The following LARS2 variants were observed in gnomAD, a reference collection of about 807,000 sequenced individuals.
LARS2 encodes leucyl-tRNA synthetase 2, mitochondrial.
In LARS2, 81 loss-of-function variants were observed where a neutral mutation model predicts 116.6. That is an observed-to-expected ratio of 0.69 (90% CI 0.58 to 0.84). The LOEUF is 0.84. Ranked by LOEUF, LARS2 falls within the 40% of genes least tolerant of loss-of-function variation. The pLI, the probability that LARS2 is intolerant of heterozygous loss-of-function variation, is 0.00. For missense variants in LARS2, 968 were observed against 1,114.5 expected (o/e 0.87, Z 1.87); for synonymous variants, 396 against 407.2 (o/e 0.97, Z 0.33).
intron 6 of LARS2, among the ~76,000 whole-genome samples, chr3:45,432,003 G>C (rs1403498923): frequency 6.6e-6 from 1 of 152,156 alleles, no homozygotes; most frequent in Non-Finnish European, 1.5e-5. Context: ...AATGAAAAGA[G>C]AGCAAGGGTG....
chr3:45,439,638 T>TA (rs1553630562), intron 6 of LARS2, among the ~76,000 whole-genome samples: 2 of 150,756 alleles, frequency 1.3e-5, no homozygotes, highest in East Asian at 2.0e-4. Flanking sequence ...TTTTTTTTTT[T>TA]ATGTTTGTTT....
intron 8 of LARS2, among the ~76,000 whole-genome samples, chr3:45,461,307 A>G (rs1559476706): frequency 6.6e-6 from 1 of 152,044 alleles, no homozygotes; most frequent in Admixed American, 6.6e-5. Flanking sequence ...AGTAAGGGTT[A>G]GGTAGACATG....
rs539197734 is a variant in LARS2, at chr3:45,445,927, T to C, written c.517-964T>C. ...AGTACGCTTTCTATCAAAAGTTTAT[T>C]ACAAGGCGTGGTGGCACACACCTGT... On this transcript the variant is annotated intron_variant, in intron 6 of 21. Coordinates refer to ENST00000645846, the MANE Select transcript of LARS2 (RefSeq NM_015340.4). Among the ~76,000 whole-genome samples, 7 of 152,256 alleles carry C rather than the reference T, an allele frequency of 4.6e-5. No individual in the cohort carries two copies. The East Asian group carries it at 1.2e-3, about 25-fold the overall frequency.
At chr3:45,434,219 A>G (rs549535182) in intron 6 of LARS2, among the ~76,000 whole-genome samples, 47 of 152,284 alleles carry the variant, frequency 3.1e-4, no homozygotes, top group African/African-American at 1.1e-3. Context: ...GATGACATGC[A>G]TGTCAGATCT....
intron 4 of LARS2, 39 bp downstream of exon 4, chr3:45,400,412 A>T: frequency 6.4e-7 from 1 of 1,566,872 alleles, no homozygotes; most frequent in South Asian, 1.2e-5. Flanking sequence ...CTTGTCTGCC[A>T]CACGCAGGGT....
intron 2 of LARS2, among the ~76,000 whole-genome samples, 178 bp from the exon 3 acceptor site, chr3:45,394,255 C>G (rs1698006573): frequency 6.6e-6 from 1 of 152,146 alleles, no homozygotes; most frequent in African/African-American, 2.4e-5. Context: ...TTTATATTTT[C>G]TATTAAAAAG....
chr3:45,478,304 A>T (rs1180932810), intron 10 of LARS2, among the ~76,000 whole-genome samples: 1 of 152,226 alleles, frequency 6.6e-6, no homozygotes, highest in East Asian at 1.9e-4. Context: ...TGGTGGCTGA[A>T]TAATATCTAA....
intron 16 of LARS2, among the ~76,000 whole-genome samples, chr3:45,515,626 G>C (rs1700359640): frequency 1.3e-5 from 2 of 152,234 alleles, no homozygotes; most frequent in South Asian, 4.1e-4. Context: ...CATGAGCCCG[G>C]TAAGTGAATT....
chr3:45,547,601 T>C lies in LARS2; in HGVS notation c.*71T>C, dbSNP rs1700894643. 5.1e-6 allele frequency: 7 copies of C among 1,372,624 alleles called. No individual in the cohort carries two copies. The highest frequency in any genetic ancestry group is 7.0e-6 in the Non-Finnish European group (7 of 996,366). 85.0% of individuals were successfully genotyped at this position (1,372,624 alleles called of 1,614,324 possible). A position where few individuals can be genotyped will look rare whatever the true frequency, so the allele number is the denominator to read the frequency against. ...TTCCAGGCCTGGGATGAGGGGGCGA[T>C]GTCTGCTGGCCCAGGGGAAGGGAAA... On this transcript the variant is annotated 3_prime_UTR_variant, in exon 22 of 22. Coordinates refer to ENST00000645846, the MANE Select transcript of LARS2 (RefSeq NM_015340.4).
intron 16 of LARS2, 149 bp from the exon 17 acceptor site, chr3:45,515,944 AG>A: frequency 6.7e-6 from 4 of 598,888 alleles, no homozygotes; most frequent in Non-Finnish European, 1.2e-5. Context: ...AACAATACAG[AG>A]GGAGAGAAAG....
chr3:45,484,630 A>AATATATATATATATATATGTAT (rs1553634444), intron 10 of LARS2, among the ~76,000 whole-genome samples: 6 of 9,746 alleles, frequency 6.2e-4, no homozygotes, highest in Non-Finnish European at 1.9e-3. Flanking sequence ...AAAAAAAAAA[A>AATATATATATATATATATGTAT]ATATATATAT....
chr3:45,439,771 G>A (rs917161067), intron 6 of LARS2, among the ~76,000 whole-genome samples: 8 of 152,144 alleles, frequency 5.3e-5, no homozygotes, highest in Admixed American at 2.0e-4. Context: ...CATAGTGGTC[G>A]GAGTACCCTT....
intron 20 of LARS2, chr3:45,538,222 G>A (rs1378552933): frequency 1.3e-5 from 2 of 152,232 alleles, no homozygotes; most frequent in Non-Finnish European, 2.9e-5. Context: ...AGGGGCCCAG[G>A]CTACTATAAA....
In LARS2 at chr3:45,547,408, G is replaced by A; in HGVS notation, c.2590G>A (p.Asp864Asn). 6.2e-7 allele frequency: 1 copy of A among 1,613,822 alleles called. No individual in the cohort carries two copies. Among genetic ancestry groups the A allele is most frequent in the South Asian group, 1.1e-5 (1 of 91,014 alleles). ...GCCCCAACAAGTTGCCCGGGACCAG[G>A]ACAAAGTCCACGAATTTGTTCTTCA... ...PVPQQVARDQ[D>N]KVHEFVLQSE... is the part of the protein sequence containing the mutation. The change falls in exon 22 of 22, where the codon GAC becomes AAC. Residue 864 changes from aspartate to asparagine, a missense_variant. Asp to Asn is a conservative substitution (Grantham distance 23). Coordinates refer to ENST00000645846, the MANE Select transcript of LARS2 (RefSeq NM_015340.4).
intron 13 of LARS2, among the ~76,000 whole-genome samples, chr3:45,494,554 C>T (rs1255460669): frequency 1.3e-5 from 2 of 152,204 alleles, no homozygotes; most frequent in African/African-American, 4.8e-5. Context: ...CTATGGCTTC[C>T]CACTGCCACA....
intron 3 of LARS2, among the ~76,000 whole-genome samples, chr3:45,394,972 G>A (rs538414382): frequency 5.3e-5 from 8 of 152,196 alleles, no homozygotes; most frequent in South Asian, 2.1e-4. Flanking sequence ...GTAATATTGC[G>A]CACGAGGTGT....
chr3:45,453,279 C>T (rs1699163916), intron 7 of LARS2, among the ~76,000 whole-genome samples: 2 of 151,892 alleles, frequency 1.3e-5, no homozygotes, highest in Non-Finnish European at 2.9e-5. Flanking sequence ...ATCTGGAGTC[C>T]TGTTGATCTC....
At chr3:45,446,496 A>G (rs564401210) in intron 6 of LARS2, among the ~76,000 whole-genome samples, 1 of 152,228 alleles carries the variant, frequency 6.6e-6, no homozygotes, top group Non-Finnish European at 1.5e-5. Flanking sequence ...AATATTCCTC[A>G]TGAATTTTGT....
At chr3:45,490,805 G>C (rs1699902539) in intron 12 of LARS2, among the ~76,000 whole-genome samples, 1 of 152,166 alleles carries the variant, frequency 6.6e-6, no homozygotes, top group Admixed American at 6.6e-5. Flanking sequence ...AGCCACACTG[G>C]CTCAATTCAT....
Sources: allele counts gnomAD v4.1 joint callset (sites outside exome capture counted in the v4.1 genomes callset), GRCh38; gene constraint gnomAD v4.1.1; transcripts MANE v1.5; gene names NCBI Gene and HGNC (gene_info 2026-07-23, HGNC 2026-07-21).